GNB1: variants seen among roughly 807,000 people sequenced by gnomAD.
GNB1 encodes guanine nucleotide-binding protein G(I)/G(S)/G(T) subunit beta-1.
In GNB1, 2 loss-of-function variants were observed where a neutral mutation model predicts 42.9. The observed-to-expected ratio is 0.05, with a 90% CI of 0.02 to 0.15. The LOEUF is 0.15. Among genes scored for constraint, GNB1 ranks in the 10% least tolerant of loss-of-function variants. GNB1 has a pLI of 1.00. For synonymous variants in GNB1, 183 were observed against 174.7 expected (o/e 1.05, Z -0.38); for missense variants, 193 against 462.2 (o/e 0.42, Z 5.34).
chr1:1,856,665 A>T (rs1203314170), intron 1 of GNB1, among the ~76,000 whole-genome samples: 2 of 151,998 alleles, frequency 1.3e-5, no homozygotes, highest in Non-Finnish European at 2.9e-5. Context: ...TCACCTTGTG[A>T]TCCGCCCGCC....
intron 3 of GNB1, among the ~76,000 whole-genome samples, chr1:1,820,618 C>T (rs1646919308): frequency 6.6e-6 from 1 of 152,072 alleles, no homozygotes; most frequent in Admixed American, 6.6e-5. Context: ...TTTTGAAATA[C>T]TATTCTTGTT....
intron 1 of GNB1, among the ~76,000 whole-genome samples, chr1:1,884,905 G>C (rs749088620): frequency 2.7e-5 from 4 of 150,142 alleles, no homozygotes; most frequent in Non-Finnish European, 4.5e-5. Context: ...GGTTGGTCTC[G>C]ATCTCCTGAC....
chr1:1,851,262 T>C (rs1647965803), intron 1 of GNB1, among the ~76,000 whole-genome samples: 1 of 151,772 alleles, frequency 6.6e-6, no homozygotes, highest in Non-Finnish European at 1.5e-5. Context: ...AATACAAAAT[T>C]AGCCAGGCGT....
Position 1,798,812 on chromosome 1 carries a change from C to T in GNB1, c.431-5501G>A, listed in dbSNP as rs992276606. ...TGCCTGCTGGGTTCAAGTGATTCTC[C>T]TGCCTCAGGATCCCGAGTAGCTGGG... On this transcript the variant is annotated intron_variant, in intron 7 of 11. Coordinates refer to ENST00000378609, the MANE Select transcript of GNB1 (RefSeq NM_002074.5). 8.5e-5 allele frequency among the ~76,000 whole-genome samples: 13 copies of T among 152,334 alleles called. No individual in the cohort carries two copies. The East Asian group carries it at 2.3e-3, about 27-fold the overall frequency.
chr1:1,887,675 G>C (rs537346932), intron 1 of GNB1, among the ~76,000 whole-genome samples: 28 of 152,348 alleles, frequency 1.8e-4, no homozygotes, highest in African/African-American at 6.3e-4. Flanking sequence ...TCGCCCAGTG[G>C]CACAATCTCG....
intron 5 of GNB1, among the ~76,000 whole-genome samples, chr1:1,809,975 G>A (rs1485306080): frequency 6.6e-6 from 1 of 152,082 alleles, no homozygotes; most frequent in African/African-American, 2.4e-5. Flanking sequence ...GCTCATGCCT[G>A]TAACCCCAGC....
intron 1 of GNB1, among the ~76,000 whole-genome samples, chr1:1,840,496 C>A (rs1387614669): frequency 6.6e-6 from 1 of 152,254 alleles, no homozygotes; most frequent in Non-Finnish European, 1.5e-5. Flanking sequence ...CCGCTGCACT[C>A]CAGCCTGGGT....
intron 1 of GNB1, among the ~76,000 whole-genome samples, chr1:1,884,732 G>A (rs957622756): frequency 2.6e-5 from 4 of 151,486 alleles, no homozygotes; most frequent in Non-Finnish European, 4.4e-5. Flanking sequence ...GCCCAGGCTG[G>A]AGTGCAGTGG....
intron 6 of GNB1, among the ~76,000 whole-genome samples, chr1:1,805,022 C>T (rs1646677812): frequency 6.6e-6 from 1 of 152,020 alleles, no homozygotes; most frequent in South Asian, 2.1e-4. Flanking sequence ...ATTAGCTGGG[C>T]GTGATGGCGC....
intron 1 of GNB1, among the ~76,000 whole-genome samples, chr1:1,871,266 C>T (rs182948761): frequency 6.6e-5 from 10 of 152,192 alleles, no homozygotes; most frequent in Admixed American, 2.0e-4. Context: ...TAGAGACCAG[C>T]GTGACCAACA....
At chr1:1,871,288 C>T (rs1027778782) in intron 1 of GNB1, among the ~76,000 whole-genome samples, 1 of 151,992 alleles carries the variant, frequency 6.6e-6, no homozygotes, top group Non-Finnish European at 1.5e-5. Flanking sequence ...GGTGAAACCC[C>T]GTCTCTATTA....
intron 1 of GNB1, among the ~76,000 whole-genome samples, chr1:1,879,332 A>C (rs1649714406): frequency 6.6e-6 from 1 of 152,222 alleles, no homozygotes; most frequent in African/African-American, 2.4e-5. Flanking sequence ...CTATAAATTA[A>C]AACTGAAATG....
At chr1:1,803,191 G>A (rs1340068945) in intron 7 of GNB1, among the ~76,000 whole-genome samples, 1 of 152,198 alleles carries the variant, frequency 6.6e-6, no homozygotes, top group African/African-American at 2.4e-5. Flanking sequence ...TATTAGAATA[G>A]TACATCCTCT....
intron 7 of GNB1, among the ~76,000 whole-genome samples, chr1:1,803,691 A>G (rs556625982): frequency 6.6e-6 from 1 of 152,250 alleles, no homozygotes; most frequent in East Asian, 1.9e-4. Flanking sequence ...GTCTCATTTA[A>G]TGATTCATAA....
intron 7 of GNB1, among the ~76,000 whole-genome samples, chr1:1,799,843 C>T (rs1404892478): frequency 1.3e-5 from 2 of 152,148 alleles, no homozygotes; most frequent in Non-Finnish European, 2.9e-5. Context: ...AGACAGATTA[C>T]TGGGCAACCA....
At chr1:1,858,692 G>A (rs929035672) in intron 1 of GNB1, among the ~76,000 whole-genome samples, 5 of 152,132 alleles carry the variant, frequency 3.3e-5, no homozygotes, top group Non-Finnish European at 7.3e-5. Flanking sequence ...CCATCTCAGA[G>A]GACACCGAAA....
intron 2 of GNB1, among the ~76,000 whole-genome samples, chr1:1,837,106 A>T (rs965777482): frequency 1.9e-4 from 29 of 152,158 alleles, no homozygotes; most frequent in African/African-American, 6.5e-4. Flanking sequence ...AAGGAGCAGA[A>T]GTTTTAAATT....
intron 7 of GNB1, among the ~76,000 whole-genome samples, chr1:1,802,823 TAGAG>T (rs1646643993): frequency 6.6e-6 from 1 of 151,306 alleles, no homozygotes; most frequent in South Asian, 2.1e-4. Flanking sequence ...AAGCCATGCT[TAGAG>T]GGAAACTTAA....
chr1:1,882,087 C>A (rs1248243863), intron 1 of GNB1, among the ~76,000 whole-genome samples: 1 of 152,116 alleles, frequency 6.6e-6, no homozygotes, highest in East Asian at 1.9e-4. Flanking sequence ...CCCTATTAGA[C>A]CATGAATTCA....
Sources: gnomAD v4.1 joint callset for allele counts (sites outside exome capture counted in the v4.1 genomes callset) on GRCh38, gnomAD v4.1.1 for gene constraint, MANE v1.5 for transcripts, NCBI Gene and HGNC (gene_info 2026-07-23, HGNC 2026-07-21) for gene names.